The following PTPRK variants were observed in gnomAD, a reference collection of about 807,000 sequenced individuals.
The protein encoded by PTPRK is receptor-type tyrosine-protein phosphatase kappa.
In PTPRK, 75 loss-of-function variants were observed where a neutral mutation model predicts 178.0. The observed-to-expected ratio is 0.42, with a 90% CI of 0.35 to 0.51. The LOEUF is 0.51. PTPRK is among the 20% of genes least tolerant of loss of function. The pLI is 0.02. For synonymous variants in PTPRK, 637 were observed against 620.6 expected (o/e 1.03, Z -0.39); for missense variants, 1,441 against 1,797.8 (o/e 0.80, Z 3.59).
intron 7 of PTPRK, among the ~76,000 whole-genome samples, chr6:128,116,416 T>C (rs1309345416): frequency 6.6e-6 from 1 of 152,234 alleles, no homozygotes; most frequent in Non-Finnish European, 1.5e-5. Context: ...TACATGTGAA[T>C]ATATTGATAA....
rs1231925998 is a variant in PTPRK at position 128,322,126 on chromosome 6, A to G, written c.408T>C (p.Asn136=). The G allele has an allele frequency of 6.2e-7, 1 of 1,613,922 alleles. No individual in the cohort carries two copies. ...LVRVNKGPLA[N]PIWNVTGFTG... Reference sequence around the variant, plus strand: ...TGAATCCAGTCACATTCCAAATTGGATTGGCAAGAGGTCCTTTATTCACCC... The same window carrying G: ...TGAATCCAGTCACATTCCAAATTGGGTTGGCAAGAGGTCCTTTATTCACCC... Residue 136 remains asparagine (N), a synonymous_variant, in exon 3 of 30, where the codon AAT becomes AAC. Transcript: ENST00000368226.
intron 2 of PTPRK, among the ~76,000 whole-genome samples, chr6:128,336,302 T>C (rs991107889): frequency 3.9e-5 from 6 of 152,132 alleles, no homozygotes; most frequent in East Asian, 3.9e-4. Flanking sequence ...AACACAAACA[T>C]TGAGAAATTG....
chr6:128,280,576 T>C (rs1044917272), intron 3 of PTPRK, among the ~76,000 whole-genome samples: 3 of 152,136 alleles, frequency 2.0e-5, no homozygotes, highest in Admixed American at 6.6e-5. Flanking sequence ...GAAATTAAGT[T>C]TATGGAAATA....
intron 27 of PTPRK, 34 bp from the exon 28 acceptor site, chr6:127,973,861 G>A: frequency 6.3e-7 from 1 of 1,584,846 alleles, no homozygotes; most frequent in Non-Finnish European, 8.6e-7. Flanking sequence ...TAAATACGCT[G>A]GGACTACAAT....
At chr6:128,482,621 C>T (rs1852241715) in intron 1 of PTPRK, among the ~76,000 whole-genome samples, 1 of 152,154 alleles carries the variant, frequency 6.6e-6, no homozygotes, top group Non-Finnish European at 1.5e-5. Flanking sequence ...ACAGCCAAAT[C>T]ACAGAAAAGC....
intron 7 of PTPRK, among the ~76,000 whole-genome samples, chr6:128,131,100 G>T (rs907531941): frequency 6.6e-6 from 1 of 152,072 alleles, no homozygotes; most frequent in African/African-American, 2.4e-5. Context: ...AAGGGGTGTG[G>T]TACATTGAAG....
chr6:128,224,692 C>G (rs1463344381), intron 5 of PTPRK, among the ~76,000 whole-genome samples: 1 of 152,130 alleles, frequency 6.6e-6, no homozygotes, highest in Non-Finnish European at 1.5e-5. Flanking sequence ...GGGTATCGGT[C>G]CATATTCTGG....
Position 128,242,566 on chromosome 6 carries a change from C to T in PTPRK, c.532G>A (p.Gly178Ser). 1.2e-6 allele frequency: 2 copies of T among 1,612,862 alleles called. No homozygotes were observed. Among genetic ancestry groups the T allele is most frequent in the Non-Finnish European group, 1.7e-6 (2 of 1,179,518 alleles). ...TGGATGTCATCAATGGCAATATAACCACTTCTCCCTCCTGAGACTTCAGCT... is the reference window on the plus strand; with the variant it reads ...TGGATGTCATCAATGGCAATATAACTACTTCTCCCTCCTGAGACTTCAGCT... ...FEAEVSGGRSGYIAIDDIQVL... is the reference protein window; with the variant it reads ...FEAEVSGGRSSYIAIDDIQVL... Residue 178 changes from glycine to serine, a missense_variant, in exon 4 of 30, where the codon GGT (glycine) becomes AGT (serine). Coordinates refer to ENST00000368226, the MANE Select transcript of PTPRK (RefSeq NM_002844.4).
chr6:127,987,657 T>C (rs1045914340), intron 21 of PTPRK, among the ~76,000 whole-genome samples: 3 of 152,146 alleles, frequency 2.0e-5, no homozygotes, highest in Non-Finnish European at 4.4e-5. Flanking sequence ...CTTAAAATAA[T>C]TTGTCTTTTC....
chr6:128,457,199 T>C (rs982935895), intron 1 of PTPRK, among the ~76,000 whole-genome samples: 1 of 152,130 alleles, frequency 6.6e-6, no homozygotes, highest in African/African-American at 2.4e-5. Context: ...CTGAGTCATA[T>C]CTATCTAAAT....
At chr6:128,247,351 G>A (rs910527229) in intron 3 of PTPRK, among the ~76,000 whole-genome samples, 4 of 151,570 alleles carry the variant, frequency 2.6e-5, no homozygotes, top group Non-Finnish European at 5.9e-5. Flanking sequence ...ACAGATTCTT[G>A]GTCTGTCACA....
chr6:128,236,394 G>C (rs1368979338), intron 5 of PTPRK, among the ~76,000 whole-genome samples: 1 of 145,426 alleles, frequency 6.9e-6, no homozygotes, highest in Non-Finnish European at 1.5e-5. Context: ...TGTCACCCAG[G>C]CTGGAGTGCA....
chr6:128,349,343 G>T (rs1832814022), intron 2 of PTPRK, among the ~76,000 whole-genome samples: 1 of 151,948 alleles, frequency 6.6e-6, no homozygotes, highest in African/African-American at 2.4e-5. Context: ...AATCTCCCTG[G>T]ATAGTGGTTT....
At chr6:128,397,747 T>C (rs1196970800) in intron 1 of PTPRK, 59 bp from the exon 2 acceptor site, 5 of 1,537,026 alleles carry the variant, frequency 3.3e-6, no homozygotes, top group South Asian at 1.1e-5. Context: ...ATAACGAAAG[T>C]TCTGGAGAAG....
chr6:128,042,612 T>C (rs1234750262), intron 13 of PTPRK, among the ~76,000 whole-genome samples: 1 of 152,064 alleles, frequency 6.6e-6, no homozygotes, highest in Admixed American at 6.6e-5. Context: ...TCGATCTACC[T>C]GGAAAATGCA....
intron 11 of PTPRK, among the ~76,000 whole-genome samples, chr6:128,069,502 T>C (rs1782439466): frequency 6.6e-6 from 1 of 152,184 alleles, no homozygotes; most frequent in Admixed American, 6.5e-5. Context: ...ATAGCTGACA[T>C]ATGCTATGTT....
chr6:128,061,521 A>G (rs926108475), intron 13 of PTPRK, among the ~76,000 whole-genome samples: 2 of 150,402 alleles, frequency 1.3e-5, no homozygotes, highest in African/African-American at 5.0e-5. Flanking sequence ...GCTCTTCAGT[A>G]CTCACAACTG....
At chr6:128,510,091 T>C (rs1452800324) in intron 1 of PTPRK, among the ~76,000 whole-genome samples, 3 of 152,054 alleles carry the variant, frequency 2.0e-5, no homozygotes, top group Non-Finnish European at 4.4e-5. Flanking sequence ...TAGACAAAAG[T>C]GTACGAAAAC....
intron 7 of PTPRK, among the ~76,000 whole-genome samples, chr6:128,118,854 T>A (rs1439402713): frequency 1.3e-5 from 2 of 152,166 alleles, no homozygotes; most frequent in African/African-American, 4.8e-5. Flanking sequence ...TTCCTTAGGT[T>A]TATCTTGTAA....
Sources: gnomAD v4.1 joint callset for allele counts (sites outside exome capture counted in the v4.1 genomes callset) on GRCh38, gnomAD v4.1.1 for gene constraint, MANE v1.5 for transcripts, NCBI Gene and HGNC (gene_info 2026-07-23, HGNC 2026-07-21) for gene names.